WASF1: variants seen among roughly 807,000 people sequenced by gnomAD.
The protein encoded by WASF1 is WASP family member 1.
WASF1 carries 7 observed loss-of-function variants against 50.5 expected under a neutral mutation model. The ratio of observed to expected loss-of-function variants is 0.14; its 90% CI spans 0.08 to 0.26. The LOEUF (loss-of-function observed/expected upper bound fraction) is 0.26. Ranked by LOEUF, WASF1 falls within the 10% of genes least tolerant of loss-of-function variation. The pLI, the probability that WASF1 is intolerant of heterozygous loss-of-function variation, is 1.00. For synonymous variants in WASF1, 205 were observed against 244.0 expected, an observed-to-expected ratio of 0.84 and a Z score of 1.49; for missense variants, 470 against 694.7, an observed-to-expected ratio of 0.68 and a Z score of 3.64.
chr6:110,155,766 AT>A (rs1776045294), intron 3 of WASF1, among the ~76,000 whole-genome samples: 1 of 43,782 alleles, frequency 2.3e-5, no homozygotes, highest in African/African-American at 9.9e-5. Flanking sequence ...ATGTGATCTC[AT>A]TGTTCAATTC....
chr6:110,174,348 T>G (rs1296415534), intron 2 of WASF1, among the ~76,000 whole-genome samples: 1 of 152,150 alleles, frequency 6.6e-6, no homozygotes, highest in Non-Finnish European at 1.5e-5. Context: ...TCCAAGAGAA[T>G]AGAGACCTGT....
chr6:110,143,243 T>A (rs189409814), intron 3 of WASF1, among the ~76,000 whole-genome samples: 2 of 152,026 alleles, frequency 1.3e-5, no homozygotes, highest in Non-Finnish European at 2.9e-5. Context: ...ATACTGTTTA[T>A]AAGATCTCAC....
At chr6:110,105,317 AAC>A in intron 8 of WASF1, 88 bp downstream of exon 8, 4 of 1,303,304 alleles carry the variant, frequency 3.1e-6, no homozygotes, top group Non-Finnish European at 4.1e-6. Context: ...CTGCCTGTTC[AAC>A]AGTTTAGGAC....
intron 4 of WASF1, among the ~76,000 whole-genome samples, chr6:110,116,361 C>G (rs933746451): frequency 2.0e-5 from 3 of 152,234 alleles, no homozygotes; most frequent in African/African-American, 7.2e-5. Flanking sequence ...GTCTTAGCAA[C>G]CAGCAGACCA....
Position 110,107,211 on chromosome 6 carries a change from C to A in WASF1, c.423-17G>T, listed in dbSNP as rs183897357. 6.7e-7 allele frequency: 1 copy of A among 1,484,840 alleles called. No homozygotes were observed. Among genetic ancestry groups the A allele is most frequent in the Non-Finnish European group, 9.2e-7 (1 of 1,085,924 alleles). 92.0% of individuals were successfully genotyped at this position (1,484,840 alleles called of 1,614,324 possible). A position where few individuals can be genotyped will look rare whatever the true frequency, so the allele number is the denominator to read the frequency against. On this transcript the variant is annotated splice_polypyrimidine_tract_variant and intron_variant, in intron 6 of 10. Transcript: ENST00000392589. ...CCATCATCTCTGAAATATAAAATAT[C>A]AATTAAAACACACATTAGTAAGACT...
At chr6:110,132,176 T>C (rs1455498346) in intron 3 of WASF1, among the ~76,000 whole-genome samples, 3 of 152,116 alleles carry the variant, frequency 2.0e-5, no homozygotes, top group African/African-American at 4.8e-5. Context: ...GTTGTATATA[T>C]AGAAAATAAA....
chr6:110,118,347 C>CAAAAA (rs56948481), intron 4 of WASF1, among the ~76,000 whole-genome samples: 3 of 7,496 alleles, frequency 4.0e-4, no homozygotes, highest in South Asian at 6.5e-3. Flanking sequence ...AAACGGAAAG[C>CAAAAA]AAAAAAAAAA....
intron 3 of WASF1, among the ~76,000 whole-genome samples, chr6:110,133,592 G>A: frequency 6.6e-6 from 1 of 152,110 alleles, no homozygotes; most frequent in East Asian, 1.9e-4. Context: ...TCTTGCAGGA[G>A]CAAGGTGGTA....
chr6:110,168,236 T>C (rs1238468951), intron 2 of WASF1, among the ~76,000 whole-genome samples: 3 of 152,088 alleles, frequency 2.0e-5, no homozygotes, highest in African/African-American at 7.2e-5. Context: ...GAAATACATA[T>C]TGAAATTCAT....
chr6:110,099,947 T>C lies in WASF1; in HGVS notation c.*575A>G, dbSNP rs1773013386. 1.3e-5 allele frequency: 2 copies of C among 152,604 alleles called. No individual in the cohort carries two copies. The highest frequency in any genetic ancestry group is 6.5e-5 in the Admixed American group (1 of 15,272). 9.5% of individuals were successfully genotyped at this position (152,604 alleles called of 1,614,324 possible). A position where few individuals can be genotyped will look rare whatever the true frequency, so the allele number is the denominator to read the frequency against. ...ACTCCTATAGGCAAGCAAAATCATA[T>C]CACACAATATATAAGTGGGAAGGGG... is the stretch of plus-strand genomic sequence containing the variant. On this transcript the variant is annotated 3_prime_UTR_variant, in exon 11 of 11. Transcript: ENST00000392589.
intron 4 of WASF1, among the ~76,000 whole-genome samples, chr6:110,125,371 C>T (rs941231729): frequency 2.0e-5 from 3 of 152,188 alleles, no homozygotes; most frequent in Non-Finnish European, 4.4e-5. Flanking sequence ...TTTGTCCTTT[C>T]CTGTGAACTA....
At chr6:110,146,770 T>C (rs1284900882) in intron 3 of WASF1, among the ~76,000 whole-genome samples, 2 of 152,146 alleles carry the variant, frequency 1.3e-5, no homozygotes, top group South Asian at 2.1e-4. Flanking sequence ...ACCAGTGAAA[T>C]AGAAGCTTGT....
At chr6:110,152,801 A>G (rs1276735443) in intron 3 of WASF1, among the ~76,000 whole-genome samples, 1 of 152,232 alleles carries the variant, frequency 6.6e-6, no homozygotes, top group African/African-American at 2.4e-5. Context: ...AATGCATTGC[A>G]CATACTGGTG....
chr6:110,100,593 G>A lies in WASF1; in HGVS notation c.1609C>T (p.Arg537Cys), dbSNP rs1287427325. Residue 537 changes from arginine to cysteine, a missense_variant, in exon 11 of 11, where the codon CGC becomes TGC. Around this residue, in one of 3 missense-constraint regions of WASF1, gnomAD observed 36 missense variants for 90.7 expected, o/e 0.40. Coordinates refer to ENST00000392589, the MANE Select transcript of WASF1 (RefSeq NM_003931.3). The part of the protein sequence containing the change: ...IENDVATILS[R>C]RIAVEYSDSE... Reference sequence around the variant, plus strand: ...TCACTATATTCAACAGCAATACGGCGAGACAGGATGGTGGCAACATCGTTT... The same window carrying A: ...TCACTATATTCAACAGCAATACGGCAAGACAGGATGGTGGCAACATCGTTT... 1.2e-6 allele frequency: 2 copies of A among 1,613,532 alleles called. No homozygotes were observed. The highest frequency in any genetic ancestry group is 1.7e-6 in the Non-Finnish European group (2 of 1,179,832).
intron 8 of WASF1, among the ~76,000 whole-genome samples, chr6:110,104,704 G>A (rs1012809330): frequency 2.6e-5 from 4 of 152,136 alleles, no homozygotes; most frequent in Non-Finnish European, 5.9e-5. Flanking sequence ...TGGGAGAATC[G>A]CTTGAACCCA....
rs769387027 is a variant in WASF1 at position 110,103,454 on chromosome 6, C to T, written c.817G>A (p.Val273Ile). Reference protein sequence around the residue: ...LLTRAEERVLVRPHEPPPPPP... With the variant: ...LLTRAEERVLIRPHEPPPPPP... ...GGTGGAGGTGGTTCATGTGGTCTGACTAATACCCTTTCCTCAGCTCTAGTC... is the reference window on the plus strand; with the variant it reads ...GGTGGAGGTGGTTCATGTGGTCTGATTAATACCCTTTCCTCAGCTCTAGTC... The change falls in exon 9 of 11, where the codon GTC (valine) becomes ATC (isoleucine). Residue 273 changes from valine to isoleucine, a missense_variant. Physicochemically the swap from Val to Ile is conservative, Grantham distance 29. Transcript: ENST00000392589. 8 of 1,613,886 alleles carry T rather than the reference C, an allele frequency of 5.0e-6. No individual in the cohort carries two copies. In the South Asian group the frequency reaches 8.8e-5, roughly 18 times the overall value.
At position 110,127,510 on chromosome 6, in the gene WASF1, T is replaced by C. The variant is rs1200080205; in HGVS notation, c.92A>G (p.Asn31Ser). 6.2e-7 allele frequency: 1 copy of C among 1,603,676 alleles called. No individual in the cohort carries two copies. The highest frequency in any genetic ancestry group is 2.2e-5 in the East Asian group (1 of 44,492). The part of the protein sequence containing the change: ...GIKNELECVT[N>S]ISLANIIRQL... ...TCTAATTATATTTGCCAAGGAAATA[T>C]TGGTTACACATTCCAGTTCATTCTT... The change falls in exon 4 of 11, where the codon AAT becomes AGT. Residue 31 changes from asparagine to serine, a missense_variant. Around this residue, in one of 3 missense-constraint regions of WASF1, gnomAD observed 140 missense variants for 260.5 expected, o/e 0.54. Transcript: ENST00000392589.
intron 4 of WASF1, among the ~76,000 whole-genome samples, chr6:110,120,093 AG>A (rs1774024532): frequency 6.6e-6 from 1 of 152,144 alleles, no homozygotes; most frequent in Non-Finnish European, 1.5e-5. Context: ...CATACTGAAT[AG>A]GCAAAAACTG....
chr6:110,103,387 G>C lies in WASF1; in HGVS notation c.884C>G (p.Thr295Ser), dbSNP rs184874919. Residue 295 changes from threonine (T) to serine (S), a missense_variant, in exon 9 of 11, where the codon ACC becomes AGC. Around this residue, in one of 3 missense-constraint regions of WASF1, gnomAD observed 294 missense variants for 343.5 expected, o/e 0.86. Transcript: ENST00000392589. ...HGAGDAKPIP[T>S]CISSATGLIE... ...GCTTGTTCCAACATACCTGATACAG[G>C]TGGGTATCGGTTTTGCATCTCCTGC... is the stretch of plus-strand genomic sequence containing the variant. The C allele has an allele frequency of 6.2e-7, 1 of 1,612,526 alleles. No individual in the cohort carries two copies. Among genetic ancestry groups the C allele is most frequent in the East Asian group, 2.2e-5 (1 of 44,856 alleles).
Sources: gnomAD v4.1 joint callset for allele counts (sites outside exome capture counted in the v4.1 genomes callset) on GRCh38, gnomAD v4.1.1 for gene constraint, gnomAD v4.1.1 regional missense constraint, MANE v1.5 for transcripts, NCBI Gene and HGNC (gene_info 2026-07-23, HGNC 2026-07-21) for gene names.